Variants in PSME4 observed in about 807,000 individuals in gnomAD.
The protein encoded by PSME4 is proteasome activator complex subunit 4.
PSME4 carries 89 observed loss-of-function variants against 253.9 expected under a neutral mutation model. The ratio of observed to expected loss-of-function variants is 0.35; its 90% confidence interval spans 0.30 to 0.42. The LOEUF (loss-of-function observed/expected upper bound fraction) is 0.42, where lower values mean the gene tolerates loss of function less well. Ranked by LOEUF, PSME4 falls within the 10% of genes least tolerant of loss-of-function variation. The pLI, the probability that PSME4 is intolerant of heterozygous loss-of-function variation, is 1.00. For missense variants in PSME4, 2,014 were observed against 2,195.2 expected (o/e 0.92, Z 1.65); for synonymous variants, 851 against 759.2 (o/e 1.12, Z -1.99).
intron 16 of PSME4, 147 bp downstream of exon 16, chr2:53,922,902 A>G (rs1462579057): frequency 3.0e-6 from 2 of 668,700 alleles, no homozygotes; most frequent in East Asian, 2.9e-5. Context: ...AACCTGGATG[A>G]TATCTTTTTT....
intron 20 of PSME4, 122 bp from the exon 21 acceptor site, chr2:53,910,252 A>T: frequency 1.3e-6 from 1 of 762,338 alleles, no homozygotes; most frequent in Non-Finnish European, 2.3e-6. Context: ...ACAGACACAG[A>T]TTTCCCATCT....
intron 27 of PSME4, among the ~76,000 whole-genome samples, chr2:53,903,578 T>C (rs534275603): frequency 6.6e-6 from 1 of 152,288 alleles, no homozygotes; most frequent in South Asian, 2.1e-4. Flanking sequence ...CTTACCATAT[T>C]TCTTCCTTCC....
chr2:53,942,550 A>G (rs531929243), intron 3 of PSME4, among the ~76,000 whole-genome samples: 2 of 152,256 alleles, frequency 1.3e-5, no homozygotes, highest in Admixed American at 1.3e-4. Flanking sequence ...CAGTTCTGCT[A>G]CTTCCTAGTT....
intron 41 of PSME4, among the ~76,000 whole-genome samples, chr2:53,883,884 G>A (rs1679512805): frequency 6.6e-6 from 1 of 151,890 alleles, no homozygotes. Context: ...ACTGAACTCT[G>A]AATGTTTATC....
chr2:53,922,780 A>C (rs1573297725), intron 16 of PSME4, among the ~76,000 whole-genome samples, 196 bp from the exon 17 acceptor site: 1 of 151,826 alleles, frequency 6.6e-6, no homozygotes, highest in African/African-American at 2.4e-5. Context: ...AAACACACCA[A>C]CCAAGACTTC....
At chr2:53,886,178 C>G (rs1178611860) in intron 40 of PSME4, among the ~76,000 whole-genome samples, 4 of 152,068 alleles carry the variant, frequency 2.6e-5, no homozygotes, top group Non-Finnish European at 5.9e-5. Context: ...GAGGCCAAGG[C>G]GGGAGGATCC....
intron 20 of PSME4, among the ~76,000 whole-genome samples, chr2:53,912,007 T>C (rs1667848991): frequency 6.6e-6 from 1 of 152,232 alleles, no homozygotes; most frequent in Non-Finnish European, 1.5e-5. Flanking sequence ...TAAAAAATCC[T>C]GTATAAGATT....
chr2:53,932,616 G>A, intron 9 of PSME4, 52 bp downstream of exon 9: 7 of 1,425,044 alleles, frequency 4.9e-6, no homozygotes, highest in Admixed American at 1.7e-5. Flanking sequence ...AGTCAAGGAT[G>A]ACCATATCTT....
At chr2:53,955,058 C>G (rs1317762979) in intron 1 of PSME4, among the ~76,000 whole-genome samples, 4 of 151,884 alleles carry the variant, frequency 2.6e-5, no homozygotes, top group Non-Finnish European at 5.9e-5. Flanking sequence ...GTAGTCCCAG[C>G]TACTTGGGAG....
chr2:53,915,832 A>C (rs1668035216), intron 20 of PSME4, among the ~76,000 whole-genome samples: 1 of 152,108 alleles, frequency 6.6e-6, no homozygotes, highest in Non-Finnish European at 1.5e-5. Context: ...GCACTTTTGG[A>C]GGTCAAGGCA....
chr2:53,917,694 C>T (rs1188461787), intron 20 of PSME4, among the ~76,000 whole-genome samples: 1 of 152,154 alleles, frequency 6.6e-6, no homozygotes, highest in African/African-American at 2.4e-5. Context: ...TGCTGATGTG[C>T]AAAGTTTGTT....
intron 43 of PSME4, among the ~76,000 whole-genome samples, chr2:53,871,702 A>T (rs369560046): frequency 1.1e-3 from 174 of 152,180 alleles, no homozygotes; most frequent in African/African-American, 4.1e-3. Context: ...ACTTTCTCCT[A>T]ATTTATTTTT....
rs1678503945 is a variant in PSME4, at chr2:53,865,096, C to G, written c.*482G>C. 1 of 152,644 alleles carries G rather than the reference C, an allele frequency of 6.6e-6. No homozygotes were observed. The highest frequency in any genetic ancestry group is 1.5e-5 in the Non-Finnish European group (1 of 68,070). The allele number at this position is 152,644 out of a possible 1,614,324, so 9.5% of individuals were successfully genotyped here. A position where few individuals can be genotyped will look rare whatever the true frequency, so the allele number is the denominator to read the frequency against. On this transcript the variant is annotated 3_prime_UTR_variant, in exon 47 of 47. Transcript: ENST00000404125. ...CTCTTTTCCTTCCCTCTTCATGGCT[C>G]TCCAGACCCAAGGTTCTCAAGGCTT...
At chr2:53,867,464 A>G (rs2104406314) in intron 44 of PSME4, among the ~76,000 whole-genome samples, 1 of 145,024 alleles carries the variant, frequency 6.9e-6, no homozygotes, top group African/African-American at 2.6e-5. Context: ...GCACCACTGT[A>G]CTCCAGCCTG....
rs1282025785 is a variant in PSME4, at chr2:53,940,979, A to T, written c.501-979T>A. Among the ~76,000 whole-genome samples the T allele has an allele frequency of 2.3e-4, 16 of 69,318 alleles. 1 individual carries two copies. The highest frequency in any genetic ancestry group is 4.8e-4 in the African/African-American group (12 of 25,048). 45.5% of individuals were successfully genotyped at this position (69,318 alleles called of 152,430 possible). On this transcript the variant is annotated intron_variant, in intron 3 of 46. Coordinates refer to ENST00000404125, the MANE Select transcript of PSME4 (RefSeq NM_014614.3). ...TATATATATATATATATATATATAT[A>T]TATATATATATATATATATATGAAA...
chr2:53,958,183 C>CAAA (rs1211892917), intron 1 of PSME4, among the ~76,000 whole-genome samples: 2 of 65,798 alleles, frequency 3.0e-5, no homozygotes, highest in African/African-American at 6.1e-5. Context: ...AAGACTCTGT[C>CAAA]AAAAAAAAAA....
At chr2:53,916,292 T>C (rs1195367630) in intron 20 of PSME4, among the ~76,000 whole-genome samples, 4 of 149,690 alleles carry the variant, frequency 2.7e-5, no homozygotes, top group Admixed American at 6.7e-5. Flanking sequence ...GTCTAAAAAC[T>C]GGTCTGGTAT....
intron 42 of PSME4, 26 bp from the exon 43 acceptor site, chr2:53,874,520 G>A (rs778737206): frequency 1.9e-5 from 31 of 1,607,418 alleles, no homozygotes; most frequent in Admixed American, 5.1e-5. Flanking sequence ...AAATATAAAC[G>A]ATAAAGCAGT....
chr2:53,875,571 T>G, intron 42 of PSME4, 56 bp downstream of exon 42: 1 of 1,524,718 alleles, frequency 6.6e-7, no homozygotes, highest in Non-Finnish European at 8.9e-7. Flanking sequence ...CTGAAATTCT[T>G]AGAATGGTAA....
Sources: allele counts gnomAD v4.1 joint callset (sites outside exome capture counted in the v4.1 genomes callset), GRCh38; gene constraint gnomAD v4.1.1; transcripts MANE v1.5; gene names NCBI Gene and HGNC (gene_info 2026-07-23, HGNC 2026-07-21).